The following KCNK15 variants were observed in gnomAD, a reference collection of about 807,000 sequenced individuals.
KCNK15 encodes the protein potassium channel subfamily K member 15.
Under a neutral mutation model 8.5 loss-of-function variants are expected in KCNK15, and 9 were observed. The observed-to-expected ratio is 1.06, with a 90% confidence interval of 0.64 to 1.85. KCNK15 has a LOEUF of 1.85. Among genes scored for constraint, KCNK15 ranks in the 40% most tolerant of loss-of-function variants. The pLI, the probability that KCNK15 is intolerant of heterozygous loss-of-function variation, is 0.00. For synonymous variants in KCNK15, 224 were observed against 232.7 expected, an observed-to-expected ratio of 0.96 and a Z score of 0.34; for missense variants, 467 against 476.8, an observed-to-expected ratio of 0.98 and a Z score of 0.19.
At chr20:44,746,739 T>C (rs990174033) in intron 1 of KCNK15, 3 of 152,382 alleles carry the variant, frequency 2.0e-5, no homozygotes, top group Non-Finnish European at 2.9e-5. Context: ...AAAAGATCAT[T>C]TTTTTATTAT....
Position 44,750,123 on chromosome 20 carries a change from G to A in KCNK15, c.284-6G>A. On this transcript the variant is annotated splice_polypyrimidine_tract_variant and splice_region_variant and intron_variant, in intron 1 of 1. Transcript: ENST00000372861. Reference sequence around the variant, plus strand: ...CACAGCCCTCCCCTCCGCTCTCCCTGCATAGAGTACGGCCACGCCGCGCCG... The same window carrying A: ...CACAGCCCTCCCCTCCGCTCTCCCTACATAGAGTACGGCCACGCCGCGCCG... 1 of 1,600,680 alleles carries A rather than the reference G, an allele frequency of 6.2e-7. No homozygotes were observed.
intron 1 of KCNK15, among the ~76,000 whole-genome samples, chr20:44,747,361 C>T (rs145744301): frequency 1.3e-5 from 2 of 152,298 alleles, no homozygotes; most frequent in African/African-American, 2.4e-5. Flanking sequence ...ACATGCTTGG[C>T]ACAGTGCCTG....
intron 1 of KCNK15, among the ~76,000 whole-genome samples, chr20:44,748,090 CATT>C: frequency 6.6e-6 from 1 of 152,182 alleles, no homozygotes; most frequent in East Asian, 1.9e-4. Context: ...TAGTTACTGT[CATT>C]ATTAGTTATT....
At chr20:44,746,417 G>A (rs2066008332) in intron 1 of KCNK15, among the ~76,000 whole-genome samples, 1 of 152,162 alleles carries the variant, frequency 6.6e-6, no homozygotes, top group African/African-American at 2.4e-5. Context: ...GGGACGGGAG[G>A]AATCAGTAAA....
At chr20:44,749,168 G>T (rs1182004574) in intron 1 of KCNK15, among the ~76,000 whole-genome samples, 3 of 152,084 alleles carry the variant, frequency 2.0e-5, no homozygotes, top group Non-Finnish European at 2.9e-5. Context: ...TTTACTTTTT[G>T]GCAGGTAGGG....
At chr20:44,746,496 C>A (rs1033656946) in intron 1 of KCNK15, 6 of 293,230 alleles carry the variant, frequency 2.0e-5, no homozygotes, top group Non-Finnish European at 3.1e-5. Context: ...ATAGGTGAAG[C>A]GGGGCTGGGA....
chr20:44,748,725 G>A (rs977348671), intron 1 of KCNK15, among the ~76,000 whole-genome samples: 3 of 152,128 alleles, frequency 2.0e-5, no homozygotes, highest in Non-Finnish European at 2.9e-5. Flanking sequence ...AAAGAGCTGC[G>A]TCATCTTGTT....
intron 1 of KCNK15, among the ~76,000 whole-genome samples, chr20:44,747,818 G>A (rs2066013754): frequency 1.3e-5 from 2 of 152,204 alleles, no homozygotes; most frequent in South Asian, 4.1e-4. Context: ...GAGGGTGCTG[G>A]TTAATAGCTC....
At position 44,750,460 on chromosome 20, in the gene KCNK15, C is replaced by G; in HGVS notation, c.615C>G (p.Phe205Leu). 11 of 1,614,056 alleles carry G rather than the reference C, an allele frequency of 6.8e-6. No individual in the cohort carries two copies. Among genetic ancestry groups the G allele is most frequent in the Non-Finnish European group, 9.3e-6 (11 of 1,179,922 alleles). The change falls in exon 2 of 2, where the codon TTC becomes TTG. Residue 205 changes from phenylalanine (F) to leucine (L), a missense_variant. Around this residue, in one of 2 missense-constraint regions of KCNK15, gnomAD observed 455 missense variants for 441.2 expected, o/e 1.03. Coordinates refer to ENST00000372861, the MANE Select transcript of KCNK15 (RefSeq NM_022358.4). The part of the protein sequence containing the change: ...ITLTTIGFGD[F>L]VALQSGEALQ... ...TCACCACCATCGGCTTCGGCGACTT[C>G]GTGGCACTGCAGAGCGGCGAGGCGC...
In KCNK15 at chr20:44,751,537, TTCCGGG is replaced by T. The variant is rs1224335828; in HGVS notation, c.*703_*708del. ...GCAGAATGCCATGGGACGAGCTCTC[TTCCGGG>T]TCCTGTCAATCACCAGCAATATGAC... On this transcript the variant is annotated 3_prime_UTR_variant, in exon 2 of 2. Coordinates refer to ENST00000372861, the MANE Select transcript of KCNK15 (RefSeq NM_022358.4). The T allele has an allele frequency of 6.6e-6, 1 of 152,260 alleles. No individual in the cohort carries two copies. Among genetic ancestry groups the T allele is most frequent in the Non-Finnish European group, 1.5e-5 (1 of 68,046 alleles). The allele number at this position is 152,260 out of a possible 1,614,324, so 9.4% of individuals were successfully genotyped here. A position where few individuals can be genotyped will look rare whatever the true frequency, so the allele number is the denominator to read the frequency against.
Position 44,750,690 on chromosome 20 carries a change from G to C in KCNK15, c.845G>C (p.Arg282Pro), listed in dbSNP as rs372438657. 672 of 1,492,236 alleles carry C rather than the reference G, an allele frequency of 4.5e-4. 4 individuals carry two copies. The African/African-American group carries it at 8.4e-3, about 19-fold the overall frequency. 92.4% of individuals were successfully genotyped at this position (1,492,236 alleles called of 1,614,324 possible). A position where few individuals can be genotyped will look rare whatever the true frequency, so the allele number is the denominator to read the frequency against. Residue 282 changes from arginine to proline, a missense_variant, in exon 2 of 2, where the codon CGC becomes CCC. Arg to Pro is a moderately radical substitution (Grantham distance 103). Coordinates refer to ENST00000372861, the MANE Select transcript of KCNK15 (RefSeq NM_022358.4). ...RGLWLPRRPA[R>P]SVGSASVFCH... is the part of the protein sequence containing the mutation. ...CTCTGGCTGCCCCGCCGCCCGGCCC[G>C]CTCCGTGGGCTCCGCCTCTGTCTTC... is the stretch of plus-strand genomic sequence containing the variant.
intron 1 of KCNK15, 60 bp downstream of exon 1, chr20:44,746,253 C>T (rs2066007453): frequency 7.5e-7 from 1 of 1,332,524 alleles, no homozygotes; most frequent in Non-Finnish European, 9.7e-7. Context: ...CGGGGCGCCT[C>T]TGGGTTTCGG....
intron 1 of KCNK15, among the ~76,000 whole-genome samples, 167 bp downstream of exon 1, chr20:44,746,360 C>G (rs1244577086): frequency 1.3e-5 from 2 of 152,236 alleles, no homozygotes; most frequent in Non-Finnish European, 2.9e-5. Context: ...TCTCCCTGGT[C>G]TCCTTTGCCC....
Position 44,750,094 on chromosome 20 carries a change from C to T in KCNK15, c.284-35C>T, listed in dbSNP as rs776559725. 2.2e-5 allele frequency: 34 copies of T among 1,545,384 alleles called. 1 individual carries two copies. The highest frequency in any genetic ancestry group is 2.7e-5 in the African/African-American group (2 of 73,666). On this transcript the variant is annotated intron_variant, in intron 1 of 1. Coordinates refer to ENST00000372861, the MANE Select transcript of KCNK15 (RefSeq NM_022358.4). ...GGGACTGTTGTCAGCTGGAGCTGGG[C>T]GCTCACAGCCCTCCCCTCCGCTCTC...
Position 44,750,621 on chromosome 20 carries a change from G to A in KCNK15, c.776G>A (p.Arg259His). The change falls in exon 2 of 2, where the codon CGC becomes CAC. Residue 259 changes from arginine to histidine, a missense_variant. Arg to His is a conservative substitution (Grantham distance 29). Coordinates refer to ENST00000372861, the MANE Select transcript of KCNK15 (RefSeq NM_022358.4). ...ASADWPERAA[R>H]TPSPRPPGAP... Reference sequence around the variant, plus strand: ...GCCGACTGGCCCGAGCGCGCTGCCCGCACCCCCAGCCCGCGCCCCCCGGGG... The same window carrying A: ...GCCGACTGGCCCGAGCGCGCTGCCCACACCCCCAGCCCGCGCCCCCCGGGG... The A allele has an allele frequency of 1.9e-6, 3 of 1,590,378 alleles. No homozygotes were observed. The highest frequency in any genetic ancestry group is 8.5e-7 in the Non-Finnish European group (1 of 1,173,004).
chr20:44,750,564 AC>A lies in KCNK15; in HGVS notation c.721del (p.Leu241TrpfsTer124). 1 of 1,604,904 alleles carries A rather than the reference AC, an allele frequency of 6.2e-7. No individual in the cohort carries two copies. The highest frequency in any genetic ancestry group is 1.3e-5 in the African/African-American group (1 of 74,648). On this transcript the variant is annotated frameshift_variant, in exon 2 of 2. Transcript: ENST00000372861. LOFTEE classifies it low-confidence loss of function (END_TRUNC). Reference sequence around the variant, plus strand: ...CTCACGGTCATTGGCGCCTTCCTCAACCTGGTGGTCCTGCGCTTCCTCGTTG... The same window carrying A: ...CTCACGGTCATTGGCGCCTTCCTCAACTGGTGGTCCTGCGCTTCCTCGTTG... ...LGLTVIGAFL[N>X]LVVLRFLVAS... is the part of the protein sequence containing the mutation.
chr20:44,750,379 C>T lies in KCNK15; in HGVS notation c.534C>T (p.Phe178=). 2 of 1,613,824 alleles carry T rather than the reference C, an allele frequency of 1.2e-6. No homozygotes were observed. Among genetic ancestry groups the T allele is most frequent in the East Asian group, 4.5e-5 (2 of 44,878 alleles). ...AATLALGAVA[F]SHFEGWTFFH... ...CCCTGGCCCTCGGGGCCGTCGCCTTCTCGCACTTCGAGGGCTGGACCTTCT... is the reference window on the plus strand; with the variant it reads ...CCCTGGCCCTCGGGGCCGTCGCCTTTTCGCACTTCGAGGGCTGGACCTTCT... Residue 178 remains phenylalanine, a synonymous_variant, in exon 2 of 2, where the codon TTC becomes TTT. Coordinates refer to ENST00000372861, the MANE Select transcript of KCNK15 (RefSeq NM_022358.4).
rs1044825906 is a variant in KCNK15 at position 44,751,048 on chromosome 20, T to G, written c.*210T>G. The G allele has an allele frequency of 1.5e-5, 6 of 394,952 alleles. No homozygotes were observed. Among genetic ancestry groups the G allele is most frequent in the Non-Finnish European group, 2.6e-5 (6 of 226,500 alleles). The allele number at this position is 394,952 out of a possible 1,614,324, so 24.5% of individuals were successfully genotyped here. On this transcript the variant is annotated 3_prime_UTR_variant, in exon 2 of 2. Coordinates refer to ENST00000372861, the MANE Select transcript of KCNK15 (RefSeq NM_022358.4). ...CATAAGCACAAACCAGGCTCCAGGG[T>G]CACCCTGTAGGAGCAAATTCCTTGT... is the stretch of plus-strand genomic sequence containing the variant.
At chr20:44,748,777 G>C (rs182020129) in intron 1 of KCNK15, among the ~76,000 whole-genome samples, 134 of 152,290 alleles carry the variant, frequency 8.8e-4, no homozygotes, top group Admixed American at 4.8e-3. Context: ...ATTTGGGGCT[G>C]TGGGGACTGT....
Sources: gnomAD v4.1 joint callset for allele counts (sites outside exome capture counted in the v4.1 genomes callset) on GRCh38, gnomAD v4.1.1 for gene constraint, gnomAD v4.1.1 regional missense constraint, MANE v1.5 for transcripts, NCBI Gene and HGNC (gene_info 2026-07-23, HGNC 2026-07-21) for gene names.